RPL26L1: variants seen among roughly 807,000 people sequenced by gnomAD.
RPL26L1 encodes the protein ribosomal protein uL24-like.
Under a neutral mutation model 15.2 loss-of-function variants are expected in RPL26L1, and 8 were observed. That is an observed-to-expected ratio of 0.53 (90% CI 0.31 to 0.95). RPL26L1 has a LOEUF of 0.95. RPL26L1 is among the 40% of genes least tolerant of loss of function. The pLI, the probability that RPL26L1 is intolerant of heterozygous loss-of-function variation, is 0.05. For synonymous variants in RPL26L1, 51 were observed against 65.9 expected (o/e 0.77, Z 1.09); for missense variants, 146 against 190.9 (o/e 0.76, Z 1.39).
At position 172,960,057 on chromosome 5, in the gene RPL26L1, G is replaced by A; in HGVS notation, c.168+16G>A. The A allele has an allele frequency of 3.7e-6, 6 of 1,613,844 alleles. No homozygotes were observed. Among genetic ancestry groups the A allele is most frequent in the Non-Finnish European group, 5.1e-6 (6 of 1,179,914 alleles). ...CGAGGTCCAGGTACGTCTCCCTCCGGCGCTAGTGGCGCTCGGACACCGTTG... is the reference window on the plus strand; with the variant it reads ...CGAGGTCCAGGTACGTCTCCCTCCGACGCTAGTGGCGCTCGGACACCGTTG... On this transcript the variant is annotated intron_variant, in intron 2 of 3. Transcript: ENST00000265100.
At chr5:172,956,941 A>G (rs1001341317), upstream of RPL26L1, 1 of 261,084 alleles carries the variant, frequency 3.8e-6, no homozygotes, top group African/African-American at 2.3e-5. Context: ...CTATCTCGAA[A>G]AAAAAAAAAA....
chr5:172,969,616 A>G lies in RPL26L1; in HGVS notation c.*75A>G, dbSNP rs368530569. 7 of 1,450,342 alleles carry G rather than the reference A, an allele frequency of 4.8e-6. No individual in the cohort carries two copies. In the African/African-American group the frequency reaches 7.1e-5, roughly 15 times the overall value. The allele number at this position is 1,450,342 out of a possible 1,614,324, so 89.8% of individuals were successfully genotyped here. A position where few individuals can be genotyped will look rare whatever the true frequency, so the allele number is the denominator to read the frequency against. On this transcript the variant is annotated 3_prime_UTR_variant, in exon 4 of 4. Coordinates refer to ENST00000265100, the MANE Select transcript of RPL26L1 (RefSeq NM_016093.4). Reference sequence around the variant, plus strand: ...GTGTGTTTCTTTCGAACTTTTCGGAATGTCTGGAACATTTCATTTCCTGTT... The same window carrying G: ...GTGTGTTTCTTTCGAACTTTTCGGAGTGTCTGGAACATTTCATTTCCTGTT...
intron 2 of RPL26L1, among the ~76,000 whole-genome samples, chr5:172,960,498 G>C (rs935717989): frequency 1.3e-5 from 2 of 152,206 alleles, no homozygotes; most frequent in African/African-American, 4.8e-5. Context: ...CAGACTGTAG[G>C]GGAAGGTGCT....
intron 1 of RPL26L1, 35 bp downstream of exon 1, chr5:172,959,503 C>T: frequency 9.5e-7 from 1 of 1,049,304 alleles, no homozygotes; most frequent in Non-Finnish European, 1.2e-6. Context: ...GGACAGTGAA[C>T]TCTACCGCCC....
chr5:172,959,451 G>A lies in RPL26L1; in HGVS notation c.-27G>A. 3.0e-6 allele frequency: 3 copies of A among 1,014,458 alleles called. No homozygotes were observed. Among genetic ancestry groups the A allele is most frequent in the Non-Finnish European group, 3.6e-6 (3 of 844,358 alleles). 62.8% of individuals were successfully genotyped at this position (1,014,458 alleles called of 1,614,324 possible). Reference sequence around the variant, plus strand: ...TTCCGGCCCTGCGCACTCAGGGTCTGAGGCAGCTAGTAGCCGGGTGAGTGG... The same window carrying A: ...TTCCGGCCCTGCGCACTCAGGGTCTAAGGCAGCTAGTAGCCGGGTGAGTGG... On this transcript the variant is annotated 5_prime_UTR_variant, in exon 1 of 4. Transcript: ENST00000265100.
At chr5:172,957,603 C>G (rs141908864), upstream of RPL26L1, 216 of 268,996 alleles carry the variant, frequency 8.0e-4, 1 homozygote, top group African/African-American at 4.5e-3. Flanking sequence ...AGTGAATAAA[C>G]AGAACCAGTG....
At chr5:172,963,717 T>G (rs1243501755) in intron 2 of RPL26L1, among the ~76,000 whole-genome samples, 1 of 152,240 alleles carries the variant, frequency 6.6e-6, no homozygotes, top group Non-Finnish European at 1.5e-5. Flanking sequence ...TTGAAATCAT[T>G]TTATTTTTAA....
At chr5:172,954,872 A>G (rs1764320868), upstream of RPL26L1, 2 of 452,242 alleles carry the variant, frequency 4.4e-6, no homozygotes, top group Admixed American at 4.8e-5. Context: ...GTTTCATATA[A>G]GAGGATTTCT....
intron 2 of RPL26L1, among the ~76,000 whole-genome samples, chr5:172,962,546 A>G (rs931291865): frequency 1.4e-5 from 2 of 145,258 alleles, no homozygotes; most frequent in Non-Finnish European, 3.0e-5. Flanking sequence ...GGCCAGGCAC[A>G]GTGGCTCACG....
intron 3 of RPL26L1, among the ~76,000 whole-genome samples, chr5:172,968,886 CA>C (rs1299136481): frequency 1.4e-5 from 2 of 143,818 alleles, no homozygotes; most frequent in Non-Finnish European, 3.0e-5. Flanking sequence ...CGGCTCACTG[CA>C]ACCTCCACCT....
intron 2 of RPL26L1, among the ~76,000 whole-genome samples, chr5:172,966,417 T>A (rs1156368974): frequency 7.1e-6 from 1 of 140,928 alleles, no homozygotes; most frequent in African/African-American, 2.6e-5. Context: ...CTGCCTGAGC[T>A]TCCTAAAGTA....
At chr5:172,966,887 C>T (rs1284821291) in intron 2 of RPL26L1, among the ~76,000 whole-genome samples, 8 of 150,616 alleles carry the variant, frequency 5.3e-5, no homozygotes, top group African/African-American at 1.5e-4. Flanking sequence ...GGCGGTGTCT[C>T]GCTCTGTCGC....
rs193243986 is a variant in RPL26L1 at position 172,959,447 on chromosome 5, G to A, written c.-31G>A. 8.9e-6 allele frequency: 9 copies of A among 1,012,288 alleles called. No individual in the cohort carries two copies. Among genetic ancestry groups the A allele is most frequent in the South Asian group, 3.8e-5 (1 of 26,026 alleles). The allele number at this position is 1,012,288 out of a possible 1,614,324, so 62.7% of individuals were successfully genotyped here. A position where few individuals can be genotyped will look rare whatever the true frequency, so the allele number is the denominator to read the frequency against. On this transcript the variant is annotated 5_prime_UTR_variant, in exon 1 of 4. Transcript: ENST00000265100. ...TCACTTCCGGCCCTGCGCACTCAGG[G>A]TCTGAGGCAGCTAGTAGCCGGGTGA...
upstream of RPL26L1, chr5:172,958,662 C>T (rs1258338535): frequency 4.8e-5 from 13 of 269,454 alleles, no homozygotes; most frequent in Non-Finnish European, 4.7e-5. Context: ...ACCCAGGGTC[C>T]GCGCAAAGTG....
chr5:172,955,888 C>G (rs2113511690), upstream of RPL26L1: 1 of 152,288 alleles, frequency 6.6e-6, no homozygotes, highest in South Asian at 2.1e-4. Flanking sequence ...CCCAGGTCTG[C>G]CTGACTCTGG....
Position 172,969,334 on chromosome 5 carries a change from T to C in RPL26L1, c.310-79T>C, listed in dbSNP as rs1344572720. On this transcript the variant is annotated intron_variant, in intron 3 of 3. Coordinates refer to ENST00000265100, the MANE Select transcript of RPL26L1 (RefSeq NM_016093.4). ...CTTAAAAGCTGAATGGCTGAGGTCT[T>C]ACTTAACTTATGATGTCTATATTGC... 3 of 1,455,514 alleles carry C rather than the reference T, an allele frequency of 2.1e-6. No individual in the cohort carries two copies. In the African/African-American group the frequency reaches 4.2e-5, roughly 21 times the overall value. The allele number at this position is 1,455,514 out of a possible 1,614,324, so 90.2% of individuals were successfully genotyped here. A position where few individuals can be genotyped will look rare whatever the true frequency, so the allele number is the denominator to read the frequency against.
At chr5:172,968,902 G>T (rs1408487760) in intron 3 of RPL26L1, among the ~76,000 whole-genome samples, 16 of 137,422 alleles carry the variant, frequency 1.2e-4, no homozygotes, top group Non-Finnish European at 9.2e-5. Context: ...CCACCTCCTG[G>T]GTTCAAGCAA....
intron 1 of RPL26L1, 39 bp from the exon 2 acceptor site, chr5:172,959,826 T>A: frequency 6.2e-7 from 1 of 1,605,286 alleles, no homozygotes; most frequent in African/African-American, 1.3e-5. Context: ...TGTAACCCAC[T>A]GAGCGCCCCT....
rs1402885653 is a variant in RPL26L1 at position 172,964,281 on chromosome 5, C to CCTT, written c.169-4178_169-4177insCTT. Among the ~76,000 whole-genome samples, 72 of 99,228 alleles carry CCTT rather than the reference C, an allele frequency of 7.3e-4. 17 individuals carry two copies. The highest frequency in any genetic ancestry group is 8.9e-4 in the Non-Finnish European group (44 of 49,272). The allele number at this position is 99,228 out of a possible 152,430, so 65.1% of individuals were successfully genotyped here. On this transcript the variant is annotated intron_variant, in intron 2 of 3. Coordinates refer to ENST00000265100, the MANE Select transcript of RPL26L1 (RefSeq NM_016093.4). The stretch of plus-strand genomic sequence containing the variant: ...TGAGCCACAGTGTCTGGCCTGTTGC[C>CCTT]TTTTTTTTTTTTTTTTTTTTTGAGA...
Sources: allele counts gnomAD v4.1 joint callset (sites outside exome capture counted in the v4.1 genomes callset), GRCh38; gene constraint gnomAD v4.1.1; transcripts MANE v1.5; gene names NCBI Gene and HGNC (gene_info 2026-07-23, HGNC 2026-07-21).